Variants in PUDP observed in about 807,000 individuals in gnomAD.
PUDP encodes the protein pseudouridine-5'-phosphatase.
In PUDP, 8 loss-of-function variants were observed where a neutral mutation model predicts 9.4. The ratio of observed to expected loss-of-function variants is 0.85; its 90% CI spans 0.50 to 1.53. The LOEUF is 1.53. Ranked by LOEUF, PUDP falls within the 40% of genes most tolerant of loss-of-function variation. PUDP has a pLI of 0.00. For missense variants in PUDP, 188 were observed against 189.7 expected, an observed-to-expected ratio of 0.99 and a Z score of 0.05; for synonymous variants, 99 against 80.7, an observed-to-expected ratio of 1.23 and a Z score of -1.22.
At chrX:7,097,302 C>T (rs1213677433) in intron 2 of PUDP, among the ~76,000 whole-genome samples, 4 of 111,975 alleles carry the variant, frequency 3.6e-5, no homozygotes, top group Non-Finnish European at 5.6e-5. Context: ...GCCACAATTC[C>T]TCTCTGAAGC....
intron 3 of PUDP, among the ~76,000 whole-genome samples, chrX:6,886,830 C>A (rs1195299555): frequency 9.1e-6 from 1 of 110,027 alleles, no homozygotes. Context: ...ATGGAGTGCA[C>A]GTGTTTTAAG....
chrX:6,787,233 C>A (rs993268206), intron 3 of PUDP, among the ~76,000 whole-genome samples: 1 of 111,865 alleles, frequency 8.9e-6, no homozygotes, highest in Non-Finnish European at 1.9e-5. Flanking sequence ...AAAAACCCCA[C>A]AATATCAATT....
intron 3 of PUDP, among the ~76,000 whole-genome samples, chrX:6,870,657 C>T (rs894726495): frequency 1.4e-4 from 16 of 112,089 alleles, no homozygotes; most frequent in East Asian, 1.4e-3. Flanking sequence ...AAAATGGTGA[C>T]GATGGTAAAT....
At chrX:6,802,668 G>A (rs1464069557) in intron 3 of PUDP, among the ~76,000 whole-genome samples, 2 of 109,655 alleles carry the variant, frequency 1.8e-5, no homozygotes, top group African/African-American at 6.6e-5. Context: ...GAGGTCTCCT[G>A]AGGTCAGGAG....
chrX:6,812,211 T>A (rs1926155557), intron 3 of PUDP, among the ~76,000 whole-genome samples: 1 of 111,923 alleles, frequency 8.9e-6, no homozygotes, highest in African/African-American at 3.2e-5. Flanking sequence ...ATCTTCAGAC[T>A]CAAAGCACAA....
intron 1 of PUDP, among the ~76,000 whole-genome samples, chrX:7,018,416 C>G (rs1012692168): frequency 8.9e-6 from 1 of 111,971 alleles, no homozygotes; most frequent in Non-Finnish European, 1.9e-5. Context: ...TCTTTCATGA[C>G]CAGCACACCT....
intron 1 of PUDP, among the ~76,000 whole-genome samples, chrX:7,122,904 C>T (rs1429531468): frequency 8.9e-6 from 1 of 111,837 alleles, no homozygotes; most frequent in African/African-American, 3.3e-5. Context: ...GTATTTATAC[C>T]AAAAATTGTT....
chrX:6,782,066 C>G (rs1285421456), intron 3 of PUDP, among the ~76,000 whole-genome samples: 1 of 111,651 alleles, frequency 9.0e-6, no homozygotes. Context: ...CGTGTCTACA[C>G]TGCCTAAGAC....
chrX:6,737,990 A>G (rs1216031842), intron 3 of PUDP, among the ~76,000 whole-genome samples: 1 of 111,632 alleles, frequency 9.0e-6, no homozygotes, highest in Non-Finnish European at 1.9e-5. Flanking sequence ...TATTCTGGAT[A>G]TGTTTTTAAA....
intron 3 of PUDP, among the ~76,000 whole-genome samples, chrX:6,853,301 C>T (rs919479641): frequency 1.8e-5 from 2 of 111,215 alleles, no homozygotes; most frequent in Non-Finnish European, 3.8e-5. Flanking sequence ...TTTCTCCTCT[C>T]TCACATGGAA....
intron 3 of PUDP, among the ~76,000 whole-genome samples, chrX:6,755,186 A>G (rs1925156121): frequency 9.0e-6 from 1 of 111,447 alleles, no homozygotes; most frequent in Non-Finnish European, 1.9e-5. Context: ...AGCTGTCTCT[A>G]TACAGAAACA....
chrX:6,946,430 A>G (rs1431352067), intron 3 of PUDP, among the ~76,000 whole-genome samples: 1 of 112,045 alleles, frequency 8.9e-6, no homozygotes, highest in African/African-American at 3.2e-5. Flanking sequence ...CACAGGCTAC[A>G]TTTCCCAGTC....
intron 3 of PUDP, among the ~76,000 whole-genome samples, chrX:6,869,669 A>T (rs916416160): frequency 9.0e-6 from 1 of 110,531 alleles, no homozygotes; most frequent in Non-Finnish European, 1.9e-5. Flanking sequence ...AATATCACTA[A>T]TCACTAGGGA....
intron 3 of PUDP, among the ~76,000 whole-genome samples, chrX:6,761,580 C>T (rs1352414135): frequency 8.9e-6 from 1 of 111,795 alleles, no homozygotes; most frequent in Non-Finnish European, 1.9e-5. Context: ...AAAACAGTGC[C>T]CTTTGCAAAA....
intron 1 of PUDP, among the ~76,000 whole-genome samples, chrX:6,980,027 T>C (rs1252111757): frequency 7.2e-5 from 8 of 110,757 alleles, no homozygotes; most frequent in Non-Finnish European, 7.6e-5. Context: ...ATGAGCATAG[T>C]ACCCGATAGG....
intron 1 of PUDP, among the ~76,000 whole-genome samples, chrX:7,029,886 A>G (rs781543652): frequency 9.0e-6 from 1 of 111,351 alleles, no homozygotes; most frequent in South Asian, 3.8e-4. Flanking sequence ...TGAGGCATTG[A>G]GAGTTTCAGA....
rs372513892 is a variant in PUDP, at chrX:7,026,658, G to C, written c.205-48315C>G. On this transcript the variant is annotated intron_variant and NMD_transcript_variant, in intron 1 of 3. Coordinates refer to the PUDP transcript ENST00000655425. ...ACCTGTGAACATTTGGTAATATCTA[G>C]AGACATTGCTGGTTTCCACCATTGG... 3.6e-5 allele frequency among the ~76,000 whole-genome samples: 4 copies of C among 111,405 alleles called. No individual in the cohort carries two copies. The East Asian group carries it at 8.5e-4, about 24-fold the overall frequency.
chrX:6,750,804 C>T (rs898753538), intron 3 of PUDP, among the ~76,000 whole-genome samples: 2 of 111,806 alleles, frequency 1.8e-5, no homozygotes, highest in African/African-American at 6.5e-5. Context: ...GATCTCTGAA[C>T]ACTGGACACT....
chrX:6,723,432 C>CAAAAAAA (rs549361509), upstream of PUDP, among the ~76,000 whole-genome samples: 1 of 17,340 alleles, frequency 5.8e-5, no homozygotes, highest in African/African-American at 1.3e-4. Flanking sequence ...GAGGCTCTGT[C>CAAAAAAA]AAAAAAAAAA....
Sources: gnomAD v4.1 joint callset for allele counts (sites outside exome capture counted in the v4.1 genomes callset) on GRCh38, gnomAD v4.1.1 for gene constraint, MANE v1.5 for transcripts, NCBI Gene and HGNC (gene_info 2026-07-23, HGNC 2026-07-21) for gene names.